NXPH1: variants seen among roughly 807,000 people sequenced by gnomAD.
NXPH1 encodes neurexophilin 1, also known as neurexophilin-1.
In NXPH1, 5 loss-of-function variants were observed where a neutral mutation model predicts 23.7. The ratio of observed to expected loss-of-function variants is 0.21; its 90% CI spans 0.11 to 0.44. The LOEUF (loss-of-function observed/expected upper bound fraction) is 0.44, where lower values mean the gene tolerates loss of function less well. Ranked by LOEUF, NXPH1 falls within the 20% of genes least tolerant of loss-of-function variation. The probability of loss-of-function intolerance (pLI) is 0.99; values close to 1 mark genes in which losing one functional copy is unlikely to be tolerated. For synonymous variants in NXPH1, 144 were observed against 122.2 expected, an observed-to-expected ratio of 1.18 and a Z score of -1.18; for missense variants, 324 against 321.6, an observed-to-expected ratio of 1.01 and a Z score of -0.06.
intron 2 of NXPH1, among the ~76,000 whole-genome samples, chr7:8,647,420 C>T (rs1480941920): frequency 2.6e-5 from 4 of 152,096 alleles, no homozygotes; most frequent in African/African-American, 4.8e-5. Flanking sequence ...CATGGTCACA[C>T]GATTGCATTT....
intron 2 of NXPH1, among the ~76,000 whole-genome samples, chr7:8,455,707 C>T (rs1427065180): frequency 6.6e-6 from 1 of 152,172 alleles, no homozygotes; most frequent in Non-Finnish European, 1.5e-5. Flanking sequence ...GAGGAAATTG[C>T]CTGCTGCTTA....
At chr7:8,576,690 A>G (rs112669732) in intron 2 of NXPH1, among the ~76,000 whole-genome samples, 1,638 of 152,194 alleles carry the variant, frequency 0.011, 28 homozygotes, top group African/African-American at 0.036. Context: ...AAAAGGATCT[A>G]GGAGATAGTG....
chr7:8,635,133 T>TA (rs1820198704), intron 2 of NXPH1, among the ~76,000 whole-genome samples: 1 of 152,164 alleles, frequency 6.6e-6, no homozygotes, highest in African/African-American at 2.4e-5. Context: ...AGAGGCAACC[T>TA]AAAGTGCTGA....
intron 2 of NXPH1, among the ~76,000 whole-genome samples, chr7:8,720,196 A>G (rs1383195961): frequency 2.0e-5 from 3 of 152,216 alleles, no homozygotes; most frequent in Non-Finnish European, 4.4e-5. Flanking sequence ...TGAATCACCA[A>G]AATGTACACT....
chr7:8,751,546 A>T lies in NXPH1; in HGVS notation c.593A>T (p.Tyr198Phe). ...AAGTCTTTTAATTGTCGCATTGAAT[A>T]TGAAAAGGTTGACAAGGCTACCAAG... ...DSKSFNCRIE[Y>F]EKVDKATKNT... The change falls in exon 3 of 3, where the codon TAT (tyrosine) becomes TTT (phenylalanine). Residue 198 changes from tyrosine (Y) to phenylalanine (F), a missense_variant. Physicochemically the swap from Tyr to Phe is conservative, Grantham distance 22. Transcript: ENST00000405863. The surrounding 1 kb of genome is among the most constrained non-coding windows in gnomAD (Gnocchi z 4.5). 7 of 1,613,538 alleles carry T rather than the reference A, an allele frequency of 4.3e-6. No homozygotes were observed. The highest frequency in any genetic ancestry group is 5.9e-6 in the Non-Finnish European group (7 of 1,179,716).
At chr7:8,611,021 C>T (rs142578677) in intron 2 of NXPH1, among the ~76,000 whole-genome samples, 364 of 152,216 alleles carry the variant, frequency 2.4e-3, no homozygotes, top group Admixed American at 4.0e-3. Flanking sequence ...GTGGCTGAAA[C>T]GCCGCTTAGA....
At chr7:8,531,708 A>G (rs979435675) in intron 2 of NXPH1, among the ~76,000 whole-genome samples, 6 of 152,344 alleles carry the variant, frequency 3.9e-5, no homozygotes, top group African/African-American at 1.4e-4. Flanking sequence ...AATACATGGC[A>G]CATAGTAGGC....
chr7:8,466,348 A>G (rs745775698), intron 2 of NXPH1, among the ~76,000 whole-genome samples: 5 of 152,226 alleles, frequency 3.3e-5, no homozygotes, highest in African/African-American at 9.6e-5. Context: ...TGCTACATCA[A>G]TTGGTATGGG....
At chr7:8,694,930 C>G (rs1302217276) in intron 2 of NXPH1, among the ~76,000 whole-genome samples, 1 of 152,134 alleles carries the variant, frequency 6.6e-6, no homozygotes, top group Non-Finnish European at 1.5e-5. Flanking sequence ...GTGGATAATT[C>G]AGTCTACCTA....
chr7:8,702,702 A>G (rs938015236), intron 2 of NXPH1, among the ~76,000 whole-genome samples: 5 of 151,838 alleles, frequency 3.3e-5, no homozygotes, highest in African/African-American at 1.2e-4. Flanking sequence ...GCTTTCACCT[A>G]CATTATGCCT....
At chr7:8,449,178 C>G (rs1816460366) in intron 2 of NXPH1, among the ~76,000 whole-genome samples, 1 of 152,194 alleles carries the variant, frequency 6.6e-6, no homozygotes, top group Admixed American at 6.5e-5. Context: ...GAGTGTGACA[C>G]ATTAACTCCC....
intron 2 of NXPH1, among the ~76,000 whole-genome samples, chr7:8,454,616 A>G (rs1049285383): frequency 6.6e-6 from 1 of 152,122 alleles, no homozygotes; most frequent in African/African-American, 2.4e-5. Flanking sequence ...CCCCCACCGT[A>G]TCTTTCCTCC....
intron 2 of NXPH1, among the ~76,000 whole-genome samples, chr7:8,550,425 A>T (rs546528810): frequency 1.3e-5 from 2 of 151,688 alleles, no homozygotes; most frequent in Admixed American, 1.3e-4. Context: ...CTTGGGTTCC[A>T]CTGTTATAGA....
intron 2 of NXPH1, among the ~76,000 whole-genome samples, chr7:8,729,766 G>A (rs1199043891): frequency 1.3e-5 from 2 of 151,878 alleles, no homozygotes; most frequent in Non-Finnish European, 2.9e-5. Context: ...CCAAGTATGT[G>A]GTCAATTTTG....
intron 2 of NXPH1, among the ~76,000 whole-genome samples, chr7:8,723,229 C>T (rs1779997012): frequency 6.6e-6 from 1 of 152,160 alleles, no homozygotes. Flanking sequence ...TTTGTCAATA[C>T]AAATGTCCAC....
chr7:8,748,228 G>T (rs1042722104), intron 2 of NXPH1, among the ~76,000 whole-genome samples: 5 of 152,040 alleles, frequency 3.3e-5, no homozygotes, highest in Non-Finnish European at 7.4e-5. Context: ...TTTGAATGTG[G>T]TCCATTTCTG....
intron 2 of NXPH1, among the ~76,000 whole-genome samples, chr7:8,468,106 T>C (rs1816813821): frequency 6.6e-6 from 1 of 152,110 alleles, no homozygotes; most frequent in Non-Finnish European, 1.5e-5. Flanking sequence ...TGTTTTAATA[T>C]ACTTTCACCA....
intron 2 of NXPH1, among the ~76,000 whole-genome samples, chr7:8,579,599 T>C (rs6954156): frequency 0.39 from 59,600 of 152,082 alleles, 14,487 homozygotes; most frequent in African/African-American, 0.7. Flanking sequence ...CTCAAACTCC[T>C]GACCTCAGAT....
chr7:8,643,860 CTA>C (rs1202382172), intron 2 of NXPH1, among the ~76,000 whole-genome samples: 1 of 152,038 alleles, frequency 6.6e-6, no homozygotes, highest in African/African-American at 2.4e-5. Context: ...AAATTTAAAA[CTA>C]TGTGGATTTG....
Sources: gnomAD v4.1 joint callset for allele counts (sites outside exome capture counted in the v4.1 genomes callset) on GRCh38, gnomAD v4.1.1 for gene constraint, Gnocchi (gnomAD v3.1) non-coding constraint, MANE v1.5 for transcripts, NCBI Gene and HGNC (gene_info 2026-07-23, HGNC 2026-07-21) for gene names.